Variants in FHIP1A observed in about 807,000 individuals in gnomAD.
The protein encoded by FHIP1A is FHF complex subunit HOOK interacting protein 1A.
A neutral mutation model predicts 88.6 loss-of-function variants in FHIP1A; 61 were observed. That is an observed-to-expected ratio of 0.69 (90% CI 0.56 to 0.85). The LOEUF (loss-of-function observed/expected upper bound fraction) is 0.85. Among genes scored for constraint, FHIP1A ranks in the 40% least tolerant of loss-of-function variants. The pLI, the probability that FHIP1A is intolerant of heterozygous loss-of-function variation, is 0.00. For synonymous variants in FHIP1A, 478 were observed against 496.0 expected (o/e 0.96, Z 0.48); for missense variants, 1,154 against 1,273.5 (o/e 0.91, Z 1.43).
At chr4:151,594,516 G>T (rs1734570964) in intron 7 of FHIP1A, among the ~76,000 whole-genome samples, 1 of 151,972 alleles carries the variant, frequency 6.6e-6, no homozygotes, top group African/African-American at 2.4e-5. Flanking sequence ...TTTGCGTAGA[G>T]GTGTTTATAG....
chr4:151,426,690 TTGTAA>T (rs781700652), intron 1 of FHIP1A, among the ~76,000 whole-genome samples: 36 of 152,138 alleles, frequency 2.4e-4, no homozygotes, highest in Non-Finnish European at 4.4e-4. Context: ...CTTTCAGCTG[TTGTAA>T]TGTAATCATA....
At chr4:151,654,624 G>C (rs1033021024) in intron 11 of FHIP1A, among the ~76,000 whole-genome samples, 3 of 152,212 alleles carry the variant, frequency 2.0e-5, no homozygotes, top group African/African-American at 4.8e-5. Flanking sequence ...TCCCCCTCTA[G>C]ATCTACCTTG....
At chr4:151,659,334 A>G (rs1324085216) in intron 13 of FHIP1A, among the ~76,000 whole-genome samples, 1 of 152,218 alleles carries the variant, frequency 6.6e-6, no homozygotes, top group Non-Finnish European at 1.5e-5. Flanking sequence ...CCCCTTGTAC[A>G]AAGCTGACTT....
At chr4:151,604,826 G>A (rs1490538019) in intron 7 of FHIP1A, among the ~76,000 whole-genome samples, 4 of 151,262 alleles carry the variant, frequency 2.6e-5, no homozygotes, top group African/African-American at 9.7e-5. Flanking sequence ...TCCAGCCTGG[G>A]TGACAGAGTG....
At chr4:151,624,292 G>A (rs1319597123) in intron 7 of FHIP1A, among the ~76,000 whole-genome samples, 1 of 152,164 alleles carries the variant, frequency 6.6e-6, no homozygotes, top group Non-Finnish European at 1.5e-5. Context: ...AATGCATTGA[G>A]AGCAGCTCCA....
intron 5 of FHIP1A, among the ~76,000 whole-genome samples, chr4:151,583,671 G>A (rs956224002): frequency 6.6e-6 from 1 of 152,180 alleles, no homozygotes; most frequent in Non-Finnish European, 1.5e-5. Context: ...GAATTCAGGA[G>A]TATGCAGAAT....
intron 3 of FHIP1A, among the ~76,000 whole-genome samples, chr4:151,530,813 C>G (rs1228990572): frequency 6.6e-6 from 1 of 152,178 alleles, no homozygotes; most frequent in African/African-American, 2.4e-5. Flanking sequence ...TGGCAAGTTA[C>G]TCAGTCTCTC....
chr4:151,455,662 C>T (rs949617089), intron 2 of FHIP1A, among the ~76,000 whole-genome samples: 2 of 152,180 alleles, frequency 1.3e-5, no homozygotes, highest in Admixed American at 6.5e-5. Flanking sequence ...TTTCTGAAAG[C>T]CTTCCATCAG....
At chr4:151,525,279 T>G (rs1731588286) in intron 3 of FHIP1A, among the ~76,000 whole-genome samples, 1 of 152,232 alleles carries the variant, frequency 6.6e-6, no homozygotes, top group Non-Finnish European at 1.5e-5. Context: ...TGGCTTTCAC[T>G]CCACATGGCT....
intron 2 of FHIP1A, among the ~76,000 whole-genome samples, chr4:151,463,334 A>G (rs947911455): frequency 6.6e-6 from 1 of 152,212 alleles, no homozygotes; most frequent in African/African-American, 2.4e-5. Context: ...GATGGTTGAA[A>G]GTAGAATGAT....
chr4:151,577,309 A>G, intron 4 of FHIP1A, 141 bp from the exon 5 acceptor site: 1 of 681,026 alleles, frequency 1.5e-6, no homozygotes, highest in East Asian at 2.7e-5. Flanking sequence ...GGAGACACAC[A>G]CACACACACA....
chr4:151,587,510 T>C (rs895150092), intron 6 of FHIP1A, among the ~76,000 whole-genome samples: 7 of 143,574 alleles, frequency 4.9e-5, no homozygotes, highest in African/African-American at 7.3e-5. Flanking sequence ...TCTTTTTTTT[T>C]CTCGGCCTTT....
At chr4:151,613,849 C>G (rs766521208) in intron 7 of FHIP1A, among the ~76,000 whole-genome samples, 2 of 152,168 alleles carry the variant, frequency 1.3e-5, no homozygotes, top group African/African-American at 4.8e-5. Context: ...TTGAGAACCA[C>G]TGCCACAAGA....
chr4:151,616,871 C>T (rs1366613558), intron 7 of FHIP1A, among the ~76,000 whole-genome samples: 1 of 152,102 alleles, frequency 6.6e-6, no homozygotes, highest in African/African-American at 2.4e-5. Flanking sequence ...CTTCAGCCTC[C>T]CTAGTAGCTG....
intron 9 of FHIP1A, among the ~76,000 whole-genome samples, chr4:151,638,976 G>A (rs1449440926): frequency 6.6e-6 from 1 of 151,976 alleles, no homozygotes; most frequent in African/African-American, 2.4e-5. Flanking sequence ...GTTTTTAGAG[G>A]GCCATATGCA....
At chr4:151,574,512 T>G (rs912884456) in intron 4 of FHIP1A, among the ~76,000 whole-genome samples, 38 of 152,196 alleles carry the variant, frequency 2.5e-4, no homozygotes, top group African/African-American at 8.9e-4. Context: ...CATGCACATA[T>G]ATTGTATATA....
chr4:151,518,714 C>A (rs1027539746), intron 3 of FHIP1A, among the ~76,000 whole-genome samples: 5 of 136,156 alleles, frequency 3.7e-5, no homozygotes, highest in African/African-American at 1.4e-4. Context: ...CGTTTGAATG[C>A]GGTGGTGCAA....
chr4:151,460,032 T>C (rs982731885), intron 2 of FHIP1A, among the ~76,000 whole-genome samples: 1 of 152,226 alleles, frequency 6.6e-6, no homozygotes, highest in African/African-American at 2.4e-5. Flanking sequence ...TTTAAGAGTT[T>C]AATTTTCTCC....
At chr4:151,525,234 A>C (rs539885635) in intron 3 of FHIP1A, among the ~76,000 whole-genome samples, 45 of 152,330 alleles carry the variant, frequency 3.0e-4, no homozygotes, top group African/African-American at 9.6e-4. Flanking sequence ...CTAGCTCAGC[A>C]CCCTATTCTG....
Sources: gnomAD v4.1 joint callset for allele counts (sites outside exome capture counted in the v4.1 genomes callset) on GRCh38, gnomAD v4.1.1 for gene constraint, MANE v1.5 for transcripts, NCBI Gene and HGNC (gene_info 2026-07-23, HGNC 2026-07-21) for gene names.